Variants in NSMF observed in about 807,000 individuals in gnomAD.
The protein encoded by NSMF is nasal embryonic LHRH factor.
NSMF carries 31 observed loss-of-function variants against 71.0 expected under a neutral mutation model. The observed-to-expected ratio is 0.44, with a 90% confidence interval of 0.33 to 0.59. NSMF has a LOEUF of 0.59. Ranked by LOEUF, NSMF falls within the 20% of genes least tolerant of loss-of-function variation. The probability of loss-of-function intolerance (pLI) is 0.04; values close to 1 mark genes in which losing one functional copy is unlikely to be tolerated. For missense variants in NSMF, 673 were observed against 740.5 expected (o/e 0.91, Z 1.06); for synonymous variants, 345 against 287.1 (o/e 1.20, Z -2.04).
Position 137,456,425 on chromosome 9 carries a change from G to A in NSMF, c.690C>T (p.Thr230=), listed in dbSNP as rs750220978. Residue 230 remains threonine (T), a synonymous_variant, in exon 4 of 16, where the codon ACC becomes ACT. Coordinates refer to ENST00000371475, the MANE Select transcript of NSMF (RefSeq NM_001130969.3). ...ACAAGACTCACGCTTGCATAGTTGT[G>A]GTTGCTGTCTGGAAGCTGAAAAGAT... ...KENLFSFQTA[T]TTMQAISVFR... 2 of 1,612,824 alleles carry A rather than the reference G, an allele frequency of 1.2e-6. No homozygotes were observed. The highest frequency in any genetic ancestry group is 2.2e-5 in the East Asian group (1 of 44,894).
rs752509007 is a variant in NSMF, at chr9:137,452,434, C to T, written c.1167G>A (p.Glu389=). 1 of 1,612,688 alleles carries T rather than the reference C, an allele frequency of 6.2e-7. No homozygotes were observed. The highest frequency in any genetic ancestry group is 1.1e-5 in the South Asian group (1 of 91,072). Residue 389 remains glutamate (E), a splice_region_variant and synonymous_variant, in exon 12 of 16, where the codon GAG becomes GAA. Coordinates refer to ENST00000371475, the MANE Select transcript of NSMF (RefSeq NM_001130969.3). ...AGACGTTCAGCTTCCTCTCTATCTC[C>T]TCTGTGGGAGAGCGGGTGTGAGTGC... is the stretch of plus-strand genomic sequence containing the variant. ...HEHATFEDIL[E]EIERKLNVYH...
At chr9:137,456,553 T>A in intron 3 of NSMF, 67 bp from the exon 4 acceptor site, 1 of 1,066,288 alleles carries the variant, frequency 9.4e-7, no homozygotes, top group Non-Finnish European at 1.4e-6. Context: ...CCCTCCCTGT[T>A]GGGAAGCAGA....
At chr9:137,451,130 G>C (rs567410676) in intron 12 of NSMF, among the ~76,000 whole-genome samples, 39 of 10,414 alleles carry the variant, frequency 3.7e-3, no homozygotes, top group Admixed American at 6.1e-3. Context: ...TTGATCTCCC[G>C]CGCCACACGC....
At chr9:137,458,407 G>A in intron 2 of NSMF, 81 bp downstream of exon 2, 1 of 1,280,626 alleles carries the variant, frequency 7.8e-7, no homozygotes, top group Non-Finnish European at 1.1e-6. Flanking sequence ...TGCCCCTCAC[G>A]CTCCACCCCC....
In NSMF at chr9:137,450,043, G is replaced by A. The variant is rs772063938; in HGVS notation, c.1317-18C>T. 1.3e-5 allele frequency: 21 copies of A among 1,608,168 alleles called. No individual in the cohort carries two copies. Among genetic ancestry groups the A allele is most frequent in the Non-Finnish European group, 1.6e-5 (19 of 1,175,910 alleles). Reference sequence around the variant, plus strand: ...TCCAGAAGCTGGTGGAGAGGGGTGGGTCACCCAGTGGCAGGGGACAGGCAC... The same window carrying A: ...TCCAGAAGCTGGTGGAGAGGGGTGGATCACCCAGTGGCAGGGGACAGGCAC... On this transcript the variant is annotated intron_variant, in intron 13 of 15. Coordinates refer to ENST00000371475, the MANE Select transcript of NSMF (RefSeq NM_001130969.3).
At chr9:137,454,569 G>A in intron 6 of NSMF, 126 bp from the exon 7 acceptor site, 2 of 1,548,014 alleles carry the variant, frequency 1.3e-6, no homozygotes, top group South Asian at 1.2e-5. Context: ...TGCTCTCCCT[G>A]GCTCCTGGCA....
chr9:137,449,898 G>C lies in NSMF; in HGVS notation c.1419+25C>G, dbSNP rs1475112400. ...CACGTCGGGGGTTTCCAGAGGTCTG[G>C]GGTGGGGCTTGGGGGTCACTGTACC... is the stretch of plus-strand genomic sequence containing the variant. On this transcript the variant is annotated intron_variant, in intron 14 of 15. Transcript: ENST00000371475. 7 of 1,582,294 alleles carry C rather than the reference G, an allele frequency of 4.4e-6. No homozygotes were observed. The South Asian group carries it at 6.6e-5, about 15-fold the overall frequency.
intron 9 of NSMF, 75 bp downstream of exon 9, chr9:137,452,981 C>A: frequency 6.2e-7 from 1 of 1,604,448 alleles, no homozygotes; most frequent in Admixed American, 1.7e-5. Flanking sequence ...TGGTCCCAGG[C>A]AGAGCTGGCT....
chr9:137,456,311 G>T, intron 4 of NSMF, 100 bp downstream of exon 4: 1 of 993,488 alleles, frequency 1.0e-6, no homozygotes, highest in Non-Finnish European at 1.6e-6. Flanking sequence ...TTCAGAAGCA[G>T]CCCCCCTGGT....
chr9:137,457,285 G>A (rs1369828378), intron 3 of NSMF, 122 bp downstream of exon 3: 20 of 1,386,542 alleles, frequency 1.4e-5, no homozygotes, highest in African/African-American at 2.9e-5. Flanking sequence ...TCTTGAGTCC[G>A]CTGGCATGCT....
intron 2 of NSMF, 112 bp downstream of exon 2, chr9:137,458,376 G>T: frequency 1.0e-6 from 1 of 973,064 alleles, no homozygotes; most frequent in Non-Finnish European, 1.6e-6. Flanking sequence ...CCGGCAGGGC[G>T]CCGGGCCCAC....
At chr9:137,455,199 C>T in intron 6 of NSMF, 40 bp downstream of exon 6, 1 of 1,605,786 alleles carries the variant, frequency 6.2e-7, no homozygotes. Context: ...CAGCACAGAC[C>T]AGAGATGGAC....
chr9:137,458,346 G>A (rs1047416049), intron 2 of NSMF, 142 bp downstream of exon 2: 10 of 764,660 alleles, frequency 1.3e-5, no homozygotes, highest in African/African-American at 3.4e-5. Flanking sequence ...AGGGAGGGCA[G>A]GGGATGTAAG....
At chr9:137,458,038 T>G in intron 2 of NSMF, 137 bp from the exon 3 acceptor site, 1 of 1,279,228 alleles carries the variant, frequency 7.8e-7, no homozygotes, top group Non-Finnish European at 1.1e-6. Flanking sequence ...CCCTAGTCAC[T>G]GGCGTGTTTC....
chr9:137,449,763 T>C (rs1839820221), intron 14 of NSMF, 89 bp from the exon 15 acceptor site: 7 of 1,370,418 alleles, frequency 5.1e-6, no homozygotes, highest in Non-Finnish European at 7.2e-6. Context: ...CACCCTCTTT[T>C]TTCAGACCCC....
At chr9:137,456,545 C>T (rs1830847682) in intron 3 of NSMF, 59 bp from the exon 4 acceptor site, 3 of 1,207,454 alleles carry the variant, frequency 2.5e-6, no homozygotes, top group East Asian at 4.7e-5. Flanking sequence ...AAGCCTCTCC[C>T]TCCCTGTTGG....
rs760043336 is a variant in NSMF, at chr9:137,453,155, G to C, written c.948C>G (p.Cys316Trp). 1.9e-6 allele frequency: 3 copies of C among 1,612,654 alleles called. No homozygotes were observed. The highest frequency in any genetic ancestry group is 1.7e-6 in the Non-Finnish European group (2 of 1,179,902). Residue 316 changes from cysteine (C) to tryptophan (W), a missense_variant, in exon 9 of 16, where the codon TGC becomes TGG. Cys to Trp is a radical substitution (Grantham distance 215). Coordinates refer to ENST00000371475, the MANE Select transcript of NSMF (RefSeq NM_001130969.3). This position sits in a 1 kb window ranked among gnomAD's most constrained non-coding sequence, Gnocchi z 4.5. ...GGTCCTCGAAGGCCTCGTCCAGCGT[G>C]CAGTGGGAGCTCTGCAGGTCACTGC... Reference protein sequence around the residue: ...RDSSDLQSSHCTLDEAFEDLD... With the variant: ...RDSSDLQSSHWTLDEAFEDLD...
At position 137,456,440 on chromosome 9, in the gene NSMF, G is replaced by C; in HGVS notation, c.675C>G (p.Ser225Arg). The C allele has an allele frequency of 6.2e-7, 1 of 1,613,334 alleles. No homozygotes were observed. The highest frequency in any genetic ancestry group is 1.1e-5 in the South Asian group (1 of 91,078). ...RTWFPKENLF[S>R]FQTATTTMQA... The stretch of plus-strand genomic sequence containing the variant: ...GCATAGTTGTGGTTGCTGTCTGGAA[G>C]CTGAAAAGATTTTCCTTGGGGAACC... Residue 225 changes from serine to arginine, a missense_variant, in exon 4 of 16, where the codon AGC becomes AGG. By Grantham distance (110) the Ser-to-Arg change is moderately radical. Transcript: ENST00000371475.
Position 137,457,690 on chromosome 9 carries a change from C to T in NSMF, c.345G>A (p.Glu115=), listed in dbSNP as rs1423778505. 6.4e-7 allele frequency: 1 copy of T among 1,551,874 alleles called. No individual in the cohort carries two copies. Among genetic ancestry groups the T allele is most frequent in the South Asian group, 1.2e-5 (1 of 84,212 alleles). ...CCACCGCCAGCTCAATGGCCTCCGCCTCAGGGCTGGGCAGCAGGGCAGGCT... is the reference window on the plus strand; with the variant it reads ...CCACCGCCAGCTCAATGGCCTCCGCTTCAGGGCTGGGCAGCAGGGCAGGCT... ...SGEPALLPSP[E]AEAIELAVVK... is the part of the protein sequence containing the mutation. The change falls in exon 3 of 16, where the codon GAG becomes GAA. Residue 115 remains glutamate, a synonymous_variant. Transcript: ENST00000371475.
Sources: gnomAD v4.1 joint callset for allele counts (sites outside exome capture counted in the v4.1 genomes callset) on GRCh38, gnomAD v4.1.1 for gene constraint, Gnocchi (gnomAD v3.1) non-coding constraint, MANE v1.5 for transcripts, NCBI Gene and HGNC (gene_info 2026-07-23, HGNC 2026-07-21) for gene names.